The following KCNN2 variants were observed in gnomAD, a reference collection of about 807,000 sequenced individuals.
KCNN2 encodes potassium calcium-activated channel subfamily N member 2.
KCNN2 carries 24 observed loss-of-function variants against 55.5 expected under a neutral mutation model. The observed-to-expected ratio is 0.43, with a 90% CI of 0.31 to 0.61. KCNN2 has a LOEUF of 0.61. Ranked by LOEUF, KCNN2 falls within the 20% of genes least tolerant of loss-of-function variation. The probability of loss-of-function intolerance (pLI) is 0.08; values close to 1 mark genes in which losing one functional copy is unlikely to be tolerated. For missense variants in KCNN2, 754 were observed against 853.6 expected (o/e 0.88, Z 1.45); for synonymous variants, 431 against 336.1 (o/e 1.28, Z -3.09).
At chr5:114,471,905 G>C (rs1452597752) in intron 4 of KCNN2, among the ~76,000 whole-genome samples, 1 of 152,154 alleles carries the variant, frequency 6.6e-6, no homozygotes, top group Admixed American at 6.5e-5. Context: ...GCAACTCATT[G>C]AGTAAGCCCA....
chr5:114,167,007 T>C (rs1752926604), intron 1 of KCNN2, among the ~76,000 whole-genome samples: 1 of 152,162 alleles, frequency 6.6e-6, no homozygotes, highest in South Asian at 2.1e-4. Context: ...GCCTCCAGAA[T>C]TGTAAGAAAT....
At chr5:114,078,445 G>A (rs1750729394) in intron 1 of KCNN2, among the ~76,000 whole-genome samples, 1 of 152,038 alleles carries the variant, frequency 6.6e-6, no homozygotes, top group Non-Finnish European at 1.5e-5. Flanking sequence ...TGTCATCATC[G>A]AGTATGGCAC....
intron 2 of KCNN2, among the ~76,000 whole-genome samples, chr5:114,236,767 T>C (rs1561534841): frequency 6.6e-6 from 1 of 152,164 alleles, no homozygotes; most frequent in Non-Finnish European, 1.5e-5. Flanking sequence ...TCATTGCTTG[T>C]ATAAGTATTA....
intron 2 of KCNN2, among the ~76,000 whole-genome samples, chr5:114,370,816 C>A (rs1757740944): frequency 6.6e-6 from 1 of 152,042 alleles, no homozygotes; most frequent in Admixed American, 6.6e-5. Context: ...TTTATGGATT[C>A]CGCCCCCCAC....
At chr5:114,114,825 A>G (rs1440613484) in intron 1 of KCNN2, among the ~76,000 whole-genome samples, 1 of 152,152 alleles carries the variant, frequency 6.6e-6, no homozygotes, top group Non-Finnish European at 1.5e-5. Context: ...AGAAATCAAA[A>G]TGGATCATTG....
intron 1 of KCNN2, among the ~76,000 whole-genome samples, chr5:114,183,470 C>T (rs937404091): frequency 6.6e-6 from 1 of 151,990 alleles, no homozygotes; most frequent in African/African-American, 2.4e-5. Flanking sequence ...GAAAAACTAT[C>T]TTAGCATAGA....
chr5:114,298,055 G>C (rs1457756), intron 2 of KCNN2, among the ~76,000 whole-genome samples: 2 of 151,934 alleles, frequency 1.3e-5, no homozygotes, highest in African/African-American at 4.8e-5. Context: ...TTAGGAGTTA[G>C]TGTATGTCAA....
chr5:114,281,764 T>A (rs1755629645), intron 2 of KCNN2, among the ~76,000 whole-genome samples: 1 of 145,086 alleles, frequency 6.9e-6, no homozygotes, highest in Non-Finnish European at 1.5e-5. Context: ...GGTAAAATTT[T>A]AAAATAAGAT....
chr5:114,462,796 A>G (rs1200583671), intron 3 of KCNN2, among the ~76,000 whole-genome samples: 8 of 152,238 alleles, frequency 5.3e-5, no homozygotes, highest in Admixed American at 1.3e-4. Flanking sequence ...TGCCTGTATC[A>G]TCTTACACCA....
upstream of KCNN2, among the ~76,000 whole-genome samples, chr5:114,359,257 G>C (rs997068239): frequency 5.9e-5 from 9 of 152,106 alleles, no homozygotes; most frequent in Non-Finnish European, 7.4e-5. Flanking sequence ...CTCATGTTGT[G>C]AATCAAATTT....
At chr5:114,238,427 A>T (rs1754551562) in intron 2 of KCNN2, among the ~76,000 whole-genome samples, 1 of 152,042 alleles carries the variant, frequency 6.6e-6, no homozygotes, top group East Asian at 1.9e-4. Context: ...GGAGTTCAAG[A>T]CCAGCCTGGC....
intron 1 of KCNN2, among the ~76,000 whole-genome samples, chr5:114,078,435 T>A (rs1478065465): frequency 4.6e-5 from 7 of 152,150 alleles, no homozygotes; most frequent in Non-Finnish European, 1.0e-4. Context: ...GCCTGTCTTG[T>A]GTCATCATCG....
chr5:114,148,309 A>G (rs1752446258), intron 1 of KCNN2, among the ~76,000 whole-genome samples: 1 of 152,190 alleles, frequency 6.6e-6, no homozygotes, highest in Admixed American at 6.5e-5. Context: ...ACAGCTCTTA[A>G]GTCTGTTACC....
intron 2 of KCNN2, among the ~76,000 whole-genome samples, chr5:114,268,625 TGGAGAC>T (rs1755257104): frequency 6.6e-6 from 1 of 152,164 alleles, no homozygotes; most frequent in African/African-American, 2.4e-5. Flanking sequence ...CCTGGGGAGA[TGGAGAC>T]TTAGAAGGCA....
intron 3 of KCNN2, among the ~76,000 whole-genome samples, chr5:114,410,727 C>G (rs1268351417): frequency 6.6e-6 from 1 of 151,896 alleles, no homozygotes; most frequent in Non-Finnish European, 1.5e-5. Context: ...TGTTCCCAAG[C>G]AGAAAAGCAA....
At chr5:114,258,720 T>G (rs1755036684) in intron 2 of KCNN2, among the ~76,000 whole-genome samples, 1 of 152,174 alleles carries the variant, frequency 6.6e-6, no homozygotes, top group African/African-American at 2.4e-5. Flanking sequence ...CTTGGGACAC[T>G]CACATTGGTC....
intron 2 of KCNN2, among the ~76,000 whole-genome samples, chr5:114,278,548 A>G (rs569926355): frequency 1.3e-5 from 2 of 152,350 alleles, no homozygotes; most frequent in African/African-American, 2.4e-5. Flanking sequence ...TTGTGAACAT[A>G]GAACCACCTA....
chr5:114,161,549 G>A (rs1367230513), intron 1 of KCNN2, among the ~76,000 whole-genome samples: 1 of 152,060 alleles, frequency 6.6e-6, no homozygotes, highest in East Asian at 1.9e-4. Flanking sequence ...ATGTTGGCCT[G>A]CCTTGCTAGA....
At chr5:114,136,108 C>G (rs1467981704) in intron 1 of KCNN2, among the ~76,000 whole-genome samples, 1 of 152,078 alleles carries the variant, frequency 6.6e-6, no homozygotes, top group Non-Finnish European at 1.5e-5. Flanking sequence ...AGACTCAAAC[C>G]AAAGCATAGC....
Sources: gnomAD v4.1 joint callset for allele counts (sites outside exome capture counted in the v4.1 genomes callset) on GRCh38, gnomAD v4.1.1 for gene constraint, MANE v1.5 for transcripts, NCBI Gene and HGNC (gene_info 2026-07-23, HGNC 2026-07-21) for gene names.